RASAL2: variants seen among roughly 807,000 people sequenced by gnomAD.
RASAL2 encodes the protein RAS protein activator like 2.
RASAL2 carries 58 observed loss-of-function variants against 128.9 expected under a neutral mutation model. The observed-to-expected ratio is 0.45, with a 90% CI of 0.36 to 0.56. The LOEUF is 0.56. Ranked by LOEUF, RASAL2 falls within the 20% of genes least tolerant of loss-of-function variation. The pLI, the probability that RASAL2 is intolerant of heterozygous loss-of-function variation, is 0.00. For synonymous variants in RASAL2, 561 were observed against 580.8 expected (o/e 0.97, Z 0.49); for missense variants, 1,360 against 1,601.6 (o/e 0.85, Z 2.57).
chr1:178,406,112 G>A (rs1270023941), intron 4 of RASAL2, among the ~76,000 whole-genome samples: 1 of 152,088 alleles, frequency 6.6e-6, no homozygotes, highest in Non-Finnish European at 1.5e-5. Flanking sequence ...TTAACTCAGT[G>A]GTTTCCAAAC....
chr1:178,193,962 A>G (rs1662575140), intron 1 of RASAL2, among the ~76,000 whole-genome samples: 1 of 152,208 alleles, frequency 6.6e-6, no homozygotes, highest in Non-Finnish European at 1.5e-5. Flanking sequence ...CCCACATTCT[A>G]TCACTGTGAT....
intron 2 of RASAL2, among the ~76,000 whole-genome samples, chr1:178,288,475 T>C (rs757762192): frequency 2.6e-5 from 4 of 151,830 alleles, no homozygotes; most frequent in Non-Finnish European, 4.4e-5. Context: ...TTTTTAACTG[T>C]GATTGAGCTG....
chr1:178,266,783 A>G (rs1266682460), intron 1 of RASAL2, among the ~76,000 whole-genome samples: 1 of 152,186 alleles, frequency 6.6e-6, no homozygotes, highest in Non-Finnish European at 1.5e-5. Context: ...CATGTCATTC[A>G]TGTAGCCTGT....
rs530748002 is a variant in RASAL2, at chr1:178,466,400, T to C, written c.3590+278T>C. ...TTAGAGGAGAACTCGGTTTTAAAAA[T>C]GTAAATATCCAATGCCCAAGACTAA... On this transcript the variant is annotated intron_variant, in intron 16 of 17. Transcript: ENST00000367649. Among the ~76,000 whole-genome samples, 23 of 152,308 alleles carry C rather than the reference T, an allele frequency of 1.5e-4. No homozygotes were observed. The East Asian group carries it at 3.7e-3, about 24-fold the overall frequency.
intron 1 of RASAL2, among the ~76,000 whole-genome samples, chr1:178,146,028 C>T (rs1660720580): frequency 1.3e-5 from 2 of 152,202 alleles, no homozygotes; most frequent in Non-Finnish European, 2.9e-5. Flanking sequence ...AGGAAAATAG[C>T]ATTCTCTTCT....
intron 3 of RASAL2, among the ~76,000 whole-genome samples, chr1:178,333,324 G>C (rs1669433432): frequency 6.6e-6 from 1 of 152,208 alleles, no homozygotes; most frequent in Non-Finnish European, 1.5e-5. Context: ...ACCGCGCCCG[G>C]CCAGATTTAT....
intron 1 of RASAL2, among the ~76,000 whole-genome samples, chr1:178,154,909 T>C (rs1199574206): frequency 6.6e-6 from 1 of 152,134 alleles, no homozygotes; most frequent in Non-Finnish European, 1.5e-5. Context: ...CTGCAACCTC[T>C]GCCTTCCGGG....
At chr1:178,453,561 G>A (rs566785077) in intron 11 of RASAL2, among the ~76,000 whole-genome samples, 80 of 152,136 alleles carry the variant, frequency 5.3e-4, no homozygotes, top group Non-Finnish European at 8.1e-4. Flanking sequence ...GAAAACAGTT[G>A]GGAAGGAAAT....
intron 3 of RASAL2, among the ~76,000 whole-genome samples, chr1:178,342,858 G>A (rs1036943103): frequency 1.1e-4 from 17 of 152,052 alleles, no homozygotes; most frequent in Non-Finnish European, 1.5e-4. Flanking sequence ...TATAAGGATC[G>A]TCTGTTACTT....
intron 3 of RASAL2, among the ~76,000 whole-genome samples, chr1:178,387,643 C>T (rs1028743743): frequency 2.6e-5 from 4 of 151,326 alleles, no homozygotes; most frequent in African/African-American, 7.3e-5. Context: ...TTTGTCCTTG[C>T]GATAGTTTGC....
At chr1:178,233,338 G>A (rs192363709) in intron 1 of RASAL2, among the ~76,000 whole-genome samples, 126 of 152,302 alleles carry the variant, frequency 8.3e-4, no homozygotes, top group African/African-American at 1.7e-3. Context: ...CCAAGCTATC[G>A]AAGATCTTTG....
intron 1 of RASAL2, among the ~76,000 whole-genome samples, chr1:178,181,841 G>T (rs1226884423): frequency 3.3e-5 from 5 of 151,796 alleles, no homozygotes; most frequent in African/African-American, 7.3e-5. Context: ...AGACACAAAG[G>T]TAAAGTGCCA....
intron 3 of RASAL2, among the ~76,000 whole-genome samples, chr1:178,345,871 TCTC>T (rs1188427472): frequency 6.6e-6 from 1 of 152,212 alleles, no homozygotes; most frequent in Admixed American, 6.5e-5. Flanking sequence ...AGGATAATCA[TCTC>T]CTGTGTACCA....
chr1:178,432,928 T>TA (rs1469514572), intron 5 of RASAL2, among the ~76,000 whole-genome samples: 1 of 152,126 alleles, frequency 6.6e-6, no homozygotes. Flanking sequence ...GTAGTTTTAC[T>TA]GAGACACACA....
chr1:178,439,758 A>C (rs1436807483), intron 6 of RASAL2, among the ~76,000 whole-genome samples, 183 bp downstream of exon 6: 12 of 152,124 alleles, frequency 7.9e-5, no homozygotes, highest in East Asian at 1.9e-4. Flanking sequence ...TTTGCAGTTA[A>C]AGTTATTAAA....
At chr1:178,169,301 A>G (rs746506484) in intron 1 of RASAL2, among the ~76,000 whole-genome samples, 1 of 152,046 alleles carries the variant, frequency 6.6e-6, no homozygotes, top group Non-Finnish European at 1.5e-5. Flanking sequence ...ACTTAGAGAA[A>G]CCCCAGGGGA....
intron 2 of RASAL2, among the ~76,000 whole-genome samples, chr1:178,294,468 C>T (rs940077620): frequency 6.6e-6 from 1 of 152,126 alleles, no homozygotes; most frequent in African/African-American, 2.4e-5. Flanking sequence ...AGGCAGATAC[C>T]AGTGAAGAAA....
intron 3 of RASAL2, among the ~76,000 whole-genome samples, chr1:178,364,228 C>A (rs1272041770): frequency 6.6e-6 from 1 of 152,078 alleles, no homozygotes; most frequent in East Asian, 1.9e-4. Context: ...AGTTTTACTT[C>A]TCATTAAATA....
At chr1:178,420,132 G>A (rs751536471) in intron 4 of RASAL2, among the ~76,000 whole-genome samples, 11 of 152,168 alleles carry the variant, frequency 7.2e-5, no homozygotes, top group Non-Finnish European at 1.6e-4. Flanking sequence ...TGGGAAATCA[G>A]TAGATGTCAT....
Sources: allele counts gnomAD v4.1 joint callset (sites outside exome capture counted in the v4.1 genomes callset), GRCh38; gene constraint gnomAD v4.1.1; transcripts MANE v1.5; gene names NCBI Gene and HGNC (gene_info 2026-07-23, HGNC 2026-07-21).